Variants in VRK1 observed in about 807,000 individuals in gnomAD.
VRK1 encodes the protein serine/threonine-protein kinase VRK1.
Under a neutral mutation model 57.1 loss-of-function variants are expected in VRK1, and 33 were observed. The ratio of observed to expected loss-of-function variants is 0.58; its 90% CI spans 0.44 to 0.77. The LOEUF (loss-of-function observed/expected upper bound fraction) is 0.77. Ranked by LOEUF, VRK1 falls within the 30% of genes least tolerant of loss-of-function variation. The pLI is 0.00. For missense variants in VRK1, 413 were observed against 477.3 expected, an observed-to-expected ratio of 0.87 and a Z score of 1.25; for synonymous variants, 137 against 147.8, an observed-to-expected ratio of 0.93 and a Z score of 0.53.
chr14:96,835,824 G>A (rs897473117), intron 2 of VRK1, among the ~76,000 whole-genome samples: 7 of 152,130 alleles, frequency 4.6e-5, no homozygotes, highest in African/African-American at 1.7e-4. Flanking sequence ...TCATTATCAT[G>A]TCTTGTCTGG....
chr14:96,837,698 C>A, intron 2 of VRK1, 64 bp from the exon 3 acceptor site: 1 of 1,066,950 alleles, frequency 9.4e-7, no homozygotes, highest in Non-Finnish European at 1.3e-6. Flanking sequence ...ATATACAAAC[C>A]TAAATATTAA....
intron 1 of VRK1, among the ~76,000 whole-genome samples, chr14:96,831,677 A>G (rs1372476925): frequency 6.6e-6 from 1 of 152,238 alleles, no homozygotes; most frequent in East Asian, 1.9e-4. Flanking sequence ...AATTTCAGAA[A>G]AACACAAAAG....
At chr14:96,836,988 A>G (rs1887244560) in intron 2 of VRK1, among the ~76,000 whole-genome samples, 1 of 152,080 alleles carries the variant, frequency 6.6e-6, no homozygotes, top group Non-Finnish European at 1.5e-5. Flanking sequence ...TTTCCTGCTT[A>G]ATTTGTCCTC....
intron 7 of VRK1, among the ~76,000 whole-genome samples, chr14:96,853,757 G>A (rs567413820): frequency 2.6e-4 from 40 of 151,974 alleles, no homozygotes; most frequent in African/African-American, 9.2e-4. Flanking sequence ...TGAAGTAGAG[G>A]GATCTATACA....
At chr14:96,803,579 G>GA (rs1885753229) in intron 1 of VRK1, among the ~76,000 whole-genome samples, 1 of 152,042 alleles carries the variant, frequency 6.6e-6, no homozygotes, top group Admixed American at 6.6e-5. Context: ...GTATGTATAG[G>GA]AAAAAACGTA....
chr14:96,823,549 T>C (rs1247204163), intron 1 of VRK1, among the ~76,000 whole-genome samples: 2 of 152,224 alleles, frequency 1.3e-5, no homozygotes, highest in Non-Finnish European at 2.9e-5. Context: ...AGGAACACGT[T>C]GGTATTATCT....
intron 1 of VRK1, among the ~76,000 whole-genome samples, chr14:96,821,197 T>C (rs1206362104): frequency 6.6e-6 from 1 of 152,198 alleles, no homozygotes; most frequent in Non-Finnish European, 1.5e-5. Flanking sequence ...CATCTTTGAA[T>C]TTCCAGCCCC....
chr14:96,862,194 T>C (rs1888418327), intron 11 of VRK1, among the ~76,000 whole-genome samples: 2 of 151,972 alleles, frequency 1.3e-5, no homozygotes, highest in Admixed American at 1.3e-4. Context: ...TACAGCTGAG[T>C]AGGTCAGTCT....
chr14:96,799,356 AAAT>A (rs1322589394), intron 1 of VRK1, among the ~76,000 whole-genome samples: 2 of 152,192 alleles, frequency 1.3e-5, no homozygotes, highest in African/African-American at 2.4e-5. Flanking sequence ...AACTAATGTG[AAAT>A]AATAATAAAT....
At chr14:96,808,508 C>T (rs1886006515) in intron 1 of VRK1, among the ~76,000 whole-genome samples, 1 of 152,176 alleles carries the variant, frequency 6.6e-6, no homozygotes, top group Non-Finnish European at 1.5e-5. Context: ...GATCAAGATA[C>T]TCATTTTCTA....
intron 1 of VRK1, among the ~76,000 whole-genome samples, chr14:96,806,779 A>G (rs552431387): frequency 6.6e-6 from 1 of 152,208 alleles, no homozygotes; most frequent in African/African-American, 2.4e-5. Context: ...TCTGAAACAA[A>G]ACTTTTTTCA....
At chr14:96,818,643 G>GT (rs1158969543) in intron 1 of VRK1, among the ~76,000 whole-genome samples, 1 of 151,970 alleles carries the variant, frequency 6.6e-6, no homozygotes, top group Non-Finnish European at 1.5e-5. Flanking sequence ...TTTTTTTAAT[G>GT]TTATAAAGGT....
At chr14:96,831,262 A>T (rs1886993407) in intron 1 of VRK1, among the ~76,000 whole-genome samples, 1 of 152,170 alleles carries the variant, frequency 6.6e-6, no homozygotes, top group Non-Finnish European at 1.5e-5. Context: ...AGATAAAGGG[A>T]TACTGTCCCT....
At chr14:96,838,614 A>G (rs1887317771) in intron 3 of VRK1, among the ~76,000 whole-genome samples, 1 of 152,138 alleles carries the variant, frequency 6.6e-6, no homozygotes, top group Non-Finnish European at 1.5e-5. Flanking sequence ...GGACAGAACT[A>G]ATGGGATAGA....
chr14:96,847,922 T>A (rs1400483979), intron 5 of VRK1, among the ~76,000 whole-genome samples: 1 of 152,210 alleles, frequency 6.6e-6, no homozygotes, highest in Non-Finnish European at 1.5e-5. Flanking sequence ...AATGAATTCT[T>A]TGGGATAGTT....
chr14:96,860,574 A>C lies in VRK1; in HGVS notation c.907A>C (p.Met303Leu). 2.5e-6 allele frequency: 4 copies of C among 1,612,940 alleles called. No homozygotes were observed. Among genetic ancestry groups the C allele is most frequent in the Non-Finnish European group, 3.4e-6 (4 of 1,179,288 alleles). ...TCTTTTAGGTGAAATTGCCAAATAC[A>C]TGGAAACAGTGAAATTACTAGACTA... Reference protein sequence around the residue: ...KNKPGEIAKYMETVKLLDYTE... With the variant: ...KNKPGEIAKYLETVKLLDYTE... The change falls in exon 11 of 13, where the codon ATG (methionine) becomes CTG (leucine). Residue 303 changes from methionine to leucine, a missense_variant. Coordinates refer to ENST00000216639, the MANE Select transcript of VRK1 (RefSeq NM_003384.3).
At chr14:96,837,523 A>G (rs192125267) in intron 2 of VRK1, among the ~76,000 whole-genome samples, 123 of 152,286 alleles carry the variant, frequency 8.1e-4, no homozygotes, top group Admixed American at 2.5e-3. Flanking sequence ...TCAGTTTCCC[A>G]TATGTAATTG....
intron 12 of VRK1, among the ~76,000 whole-genome samples, chr14:96,876,391 C>A (rs1046496816): frequency 6.6e-5 from 10 of 152,096 alleles, no homozygotes; most frequent in Admixed American, 3.9e-4. Flanking sequence ...AGCTGCCAGG[C>A]GTGGTGACTG....
chr14:96,803,543 C>T (rs1440551337), intron 1 of VRK1, among the ~76,000 whole-genome samples: 1 of 152,060 alleles, frequency 6.6e-6, no homozygotes. Flanking sequence ...ATAAATTAAG[C>T]TTCATCATAA....
Sources: gnomAD v4.1 joint callset for allele counts (sites outside exome capture counted in the v4.1 genomes callset) on GRCh38, gnomAD v4.1.1 for gene constraint, MANE v1.5 for transcripts, NCBI Gene and HGNC (gene_info 2026-07-23, HGNC 2026-07-21) for gene names.